Variants in CD226 observed in about 807,000 individuals in gnomAD.
CD226 encodes the protein CD226 molecule, also known as CD226 antigen.
A neutral mutation model predicts 34.9 loss-of-function variants in CD226; 24 were observed. That is an observed-to-expected ratio of 0.69 (90% confidence interval 0.50 to 0.97). The LOEUF (loss-of-function observed/expected upper bound fraction) is 0.97, where lower values mean the gene tolerates loss of function less well. CD226 is among the 50% of genes least tolerant of loss of function. The pLI is 0.00. For missense variants in CD226, 397 were observed against 412.7 expected (o/e 0.96, Z 0.33); for synonymous variants, 148 against 147.4 (o/e 1.00, Z -0.03).
chr18:69,890,440 A>G (rs1303031982), intron 3 of CD226, among the ~76,000 whole-genome samples: 1 of 152,108 alleles, frequency 6.6e-6, no homozygotes, highest in African/African-American at 2.4e-5. Context: ...AGCCAGTCTC[A>G]TAACCCGGTC....
At chr18:69,900,237 T>A (rs1211166001) in intron 2 of CD226, among the ~76,000 whole-genome samples, 2 of 151,976 alleles carry the variant, frequency 1.3e-5, no homozygotes, top group Non-Finnish European at 2.9e-5. Flanking sequence ...GGATAAGAAG[T>A]TAGGAACATA....
At chr18:69,911,292 G>T (rs563059850) in intron 2 of CD226, among the ~76,000 whole-genome samples, 8 of 152,276 alleles carry the variant, frequency 5.3e-5, no homozygotes, top group African/African-American at 1.9e-4. Flanking sequence ...TTGAGGAAGG[G>T]TAATAGAGTG....
At chr18:69,896,577 C>T (rs987807988) in intron 2 of CD226, among the ~76,000 whole-genome samples, 1 of 152,042 alleles carries the variant, frequency 6.6e-6, no homozygotes, top group African/African-American at 2.4e-5. Context: ...TATGATTGTT[C>T]ACACATAGTT....
In CD226 at chr18:69,864,745, T is replaced by C. The variant is rs1189505136; in HGVS notation, c.886-306A>G. ...AAGAACAATTACTATCATTTTTATA[T>C]GGAAATTCTAACACAGTGTCTGAAC... is the stretch of plus-strand genomic sequence containing the variant. On this transcript the variant is annotated intron_variant, in intron 5 of 5. Coordinates refer to ENST00000582621, the MANE Select transcript of CD226 (RefSeq NM_001303618.2). Among the ~76,000 whole-genome samples, 10 of 152,324 alleles carry C rather than the reference T, an allele frequency of 6.6e-5. No homozygotes were observed. In the East Asian group the frequency reaches 1.7e-3, roughly 26 times the overall value.
chr18:69,880,204 AGGC>A (rs1280348907), intron 3 of CD226, among the ~76,000 whole-genome samples: 4 of 46,130 alleles, frequency 8.7e-5, no homozygotes, highest in Non-Finnish European at 1.9e-4. Flanking sequence ...CGGGGGAGGA[AGGC>A]AGGCAGGCAG....
At chr18:69,944,756 C>T (rs1216546436) in intron 2 of CD226, among the ~76,000 whole-genome samples, 1 of 152,192 alleles carries the variant, frequency 6.6e-6, no homozygotes, top group African/African-American at 2.4e-5. Context: ...GCAAACTACA[C>T]AGTAAAAACT....
chr18:69,910,317 C>A (rs1199270371), intron 2 of CD226, among the ~76,000 whole-genome samples: 1 of 152,170 alleles, frequency 6.6e-6, no homozygotes, highest in Non-Finnish European at 1.5e-5. Flanking sequence ...TGATGGAGAC[C>A]AACATCTCAG....
intron 2 of CD226, among the ~76,000 whole-genome samples, chr18:69,943,780 C>A (rs999300740): frequency 6.6e-6 from 1 of 152,144 alleles, no homozygotes; most frequent in Non-Finnish European, 1.5e-5. Context: ...TCAGGCAATA[C>A]AAACGTTCAA....
intron 2 of CD226, among the ~76,000 whole-genome samples, chr18:69,923,209 A>AGGAAGGAG (rs59176240): frequency 6.6e-6 from 1 of 151,300 alleles, no homozygotes; most frequent in African/African-American, 2.4e-5. Flanking sequence ...GAAGGAAGGA[A>AGGAAGGAG]AGGGAGAAAG....
At chr18:69,950,625 A>T (rs1000634987), upstream of CD226, among the ~76,000 whole-genome samples, 2 of 152,266 alleles carry the variant, frequency 1.3e-5, no homozygotes, top group South Asian at 4.1e-4. Flanking sequence ...CGAGCAGTCC[A>T]GGTGGATAGG....
chr18:69,867,163 T>G (rs1983198918), intron 5 of CD226, among the ~76,000 whole-genome samples, 194 bp downstream of exon 5: 1 of 152,168 alleles, frequency 6.6e-6, no homozygotes, highest in South Asian at 2.1e-4. Context: ...ATAAAAAACT[T>G]AGTTTCAAAG....
chr18:69,920,426 T>C (rs1477943201), intron 2 of CD226, among the ~76,000 whole-genome samples: 1 of 152,238 alleles, frequency 6.6e-6, no homozygotes, highest in African/African-American at 2.4e-5. Context: ...GAGTTTATAA[T>C]ATAGAATCAC....
chr18:69,882,666 G>C (rs1285839014), intron 3 of CD226, among the ~76,000 whole-genome samples: 2 of 152,158 alleles, frequency 1.3e-5, no homozygotes, highest in African/African-American at 4.8e-5. Context: ...CTATATAGAT[G>C]CTTCAAAAGT....
intron 3 of CD226, among the ~76,000 whole-genome samples, chr18:69,891,051 C>G (rs561018969): frequency 3.5e-4 from 52 of 149,884 alleles, no homozygotes; most frequent in Non-Finnish European, 6.9e-4. Context: ...GCTGACATCC[C>G]TAATGAACAC....
rs1982779457 is a variant in CD226 at position 69,860,896 on chromosome 18, C to T, written c.*3418G>A. On this transcript the variant is annotated 3_prime_UTR_variant, in exon 6 of 6. Transcript: ENST00000582621. The stretch of plus-strand genomic sequence containing the variant: ...TAAGCATCTTTATAATATCGTCAAT[C>T]TTGCTGAAATTTCATATAAGCAGTA... 1 of 152,064 alleles carries T rather than the reference C, an allele frequency of 6.6e-6. No individual in the cohort carries two copies. The highest frequency in any genetic ancestry group is 2.1e-4 in the South Asian group (1 of 4,836). 9.4% of individuals were successfully genotyped at this position (152,064 alleles called of 1,614,324 possible). A position where few individuals can be genotyped will look rare whatever the true frequency, so the allele number is the denominator to read the frequency against.
chr18:69,902,462 C>T (rs1392060327), intron 2 of CD226, among the ~76,000 whole-genome samples: 1 of 151,974 alleles, frequency 6.6e-6, no homozygotes, highest in Non-Finnish European at 1.5e-5. Flanking sequence ...TGGAAATACT[C>T]TACCCCTTGG....
chr18:69,870,050 C>T lies in CD226; in HGVS notation c.831-2639G>A, dbSNP rs185199520. Among the ~76,000 whole-genome samples, 526 of 151,800 alleles carry T rather than the reference C, an allele frequency of 3.5e-3. 3 individuals are homozygous for T. Among genetic ancestry groups the T allele is most frequent in the African/African-American group, 0.012 (500 of 41,400 alleles). ...AACTCCTGACCTCATGATCTGCCCACCTCGGCCTCCCAAAGTGCTGGGATT... is the reference window on the plus strand; with the variant it reads ...AACTCCTGACCTCATGATCTGCCCATCTCGGCCTCCCAAAGTGCTGGGATT... On this transcript the variant is annotated intron_variant, in intron 4 of 5. Coordinates refer to ENST00000582621, the MANE Select transcript of CD226 (RefSeq NM_001303618.2).
At chr18:69,906,465 T>C (rs1297074225) in intron 2 of CD226, among the ~76,000 whole-genome samples, 1 of 152,188 alleles carries the variant, frequency 6.6e-6, no homozygotes, top group Non-Finnish European at 1.5e-5. Flanking sequence ...AGCCATTTTC[T>C]GTAGGGAAAG....
chr18:69,939,087 A>G (rs2055691087), intron 2 of CD226, among the ~76,000 whole-genome samples: 2 of 152,224 alleles, frequency 1.3e-5, no homozygotes, highest in African/African-American at 2.4e-5. Flanking sequence ...CTCTGTCTCA[A>G]AAAAGGAAAA....
Sources: allele counts gnomAD v4.1 joint callset (sites outside exome capture counted in the v4.1 genomes callset), GRCh38; gene constraint gnomAD v4.1.1; transcripts MANE v1.5; gene names NCBI Gene and HGNC (gene_info 2026-07-23, HGNC 2026-07-21).